The following MCTP1 variants were observed in gnomAD, a reference collection of about 807,000 sequenced individuals.
MCTP1 encodes the protein multiple C2 and transmembrane domain-containing protein 1.
Under a neutral mutation model 120.6 loss-of-function variants are expected in MCTP1, and 69 were observed. The observed-to-expected ratio is 0.57, with a 90% CI of 0.47 to 0.70. The LOEUF is 0.70. MCTP1 is among the 30% of genes least tolerant of loss of function. The pLI, the probability that MCTP1 is intolerant of heterozygous loss-of-function variation, is 0.00. For missense variants in MCTP1, 1,203 were observed against 1,248.8 expected (o/e 0.96, Z 0.55); for synonymous variants, 529 against 493.1 (o/e 1.07, Z -0.96).
At chr5:95,072,807 G>A (rs376142019) in intron 1 of MCTP1, among the ~76,000 whole-genome samples, 6 of 146,722 alleles carry the variant, frequency 4.1e-5, no homozygotes, top group East Asian at 2.0e-4. Context: ...GTGCAATGGC[G>A]AGATCTCGGC....
intron 1 of MCTP1, among the ~76,000 whole-genome samples, chr5:95,115,499 T>G (rs1163096844): frequency 6.6e-6 from 1 of 151,930 alleles, no homozygotes; most frequent in East Asian, 1.9e-4. Flanking sequence ...TACTGAAGAA[T>G]GCATCAGAGT....
chr5:95,222,208 C>A (rs1056943983), intron 1 of MCTP1, among the ~76,000 whole-genome samples: 10 of 152,206 alleles, frequency 6.6e-5, no homozygotes, highest in African/African-American at 2.4e-4. Flanking sequence ...TCCCTGATGG[C>A]TGCCTGCCTT....
intron 1 of MCTP1, among the ~76,000 whole-genome samples, chr5:95,125,744 A>C (rs930561014): frequency 1.3e-5 from 2 of 152,262 alleles, no homozygotes; most frequent in African/African-American, 4.8e-5. Context: ...GGAACACAGT[A>C]AATGCACAAT....
chr5:95,027,531 T>C (rs1839480194), intron 1 of MCTP1, among the ~76,000 whole-genome samples: 1 of 152,142 alleles, frequency 6.6e-6, no homozygotes, highest in South Asian at 2.1e-4. Context: ...AGGAAACAGA[T>C]GCTATAATTA....
chr5:94,915,817 T>C lies in MCTP1; in HGVS notation c.1350+2079A>G, dbSNP rs181665047. ...ATTCCATTTTCCATTGGGTCCTTTATGCTTTCACAGAAATAAAATGAACAT... is the reference window on the plus strand; with the variant it reads ...ATTCCATTTTCCATTGGGTCCTTTACGCTTTCACAGAAATAAAATGAACAT... On this transcript the variant is annotated intron_variant, in intron 8 of 22. Coordinates refer to ENST00000515393, the MANE Select transcript of MCTP1 (RefSeq NM_024717.7). 5.2e-3 allele frequency among the ~76,000 whole-genome samples: 787 copies of C among 152,242 alleles called. 6 individuals carry two copies. Among genetic ancestry groups the C allele is most frequent in the Middle Eastern group, 0.031 (9 of 294 alleles).
chr5:95,116,643 C>T lies in MCTP1; in HGVS notation c.721-99159G>A, dbSNP rs753485404. On this transcript the variant is annotated intron_variant, in intron 1 of 22. Coordinates refer to ENST00000515393, the MANE Select transcript of MCTP1 (RefSeq NM_024717.7). ...ACTTTGGGCAGTATGGCCATTTTCA[C>T]GATATTGATTCTTCCTATCCATGAG... 2.2e-4 allele frequency among the ~76,000 whole-genome samples: 33 copies of T among 151,874 alleles called. No homozygotes were observed. The East Asian group carries it at 4.6e-3, about 21-fold the overall frequency.
chr5:94,867,336 C>T, intron 17 of MCTP1: 1 of 1,533,398 alleles, frequency 6.5e-7, no homozygotes, highest in South Asian at 1.2e-5. Flanking sequence ...GACGTAGACA[C>T]TCTTTGTTCC....
rs149359369 is a variant in MCTP1, at chr5:95,202,236, C to T, written c.720+81620G>A. Among the ~76,000 whole-genome samples the T allele has an allele frequency of 1.7e-3, 254 of 152,286 alleles. 4 individuals carry two copies. In the East Asian group the frequency reaches 0.043, roughly 25 times the overall value. ...CACTGGAACACTCTTCTTCCCTTTT[C>T]GTGGACATCAGAACTCCAGGCTGTC... On this transcript the variant is annotated intron_variant, in intron 1 of 22. Coordinates refer to ENST00000515393, the MANE Select transcript of MCTP1 (RefSeq NM_024717.7).
chr5:95,248,394 A>T (rs1757036309), intron 1 of MCTP1, among the ~76,000 whole-genome samples: 1 of 152,212 alleles, frequency 6.6e-6, no homozygotes, highest in African/African-American at 2.4e-5. Flanking sequence ...CAGAGAGCCA[A>T]ATCATGAGTG....
chr5:95,161,498 G>A (rs949580987), intron 1 of MCTP1, among the ~76,000 whole-genome samples: 1 of 152,016 alleles, frequency 6.6e-6, no homozygotes, highest in Non-Finnish European at 1.5e-5. Context: ...TTTCGGTTAC[G>A]AGAAATAAGC....
intron 10 of MCTP1, among the ~76,000 whole-genome samples, chr5:94,908,932 C>T (rs1807690578): frequency 6.6e-6 from 1 of 152,028 alleles, no homozygotes; most frequent in Admixed American, 6.6e-5. Context: ...GATCACTTTA[C>T]AGACTATGAA....
chr5:94,816,814 T>C (rs1784554829), intron 17 of MCTP1, among the ~76,000 whole-genome samples: 1 of 152,180 alleles, frequency 6.6e-6, no homozygotes, highest in African/African-American at 2.4e-5. Flanking sequence ...CAAGATTGTA[T>C]GAAAAAATTC....
chr5:95,166,822 C>T (rs1346409139), intron 1 of MCTP1, among the ~76,000 whole-genome samples: 1 of 152,098 alleles, frequency 6.6e-6, no homozygotes, highest in Non-Finnish European at 1.5e-5. Flanking sequence ...CCGCCTCAGC[C>T]TCCCAAAGTG....
chr5:94,725,200 G>C (rs1761860346), intron 19 of MCTP1, among the ~76,000 whole-genome samples: 1 of 151,516 alleles, frequency 6.6e-6, no homozygotes, highest in Non-Finnish European at 1.5e-5. Flanking sequence ...GAAAAGAAAA[G>C]AAAAAAAAGG....
At position 94,710,860 on chromosome 5, in the gene MCTP1, TGGCTGTGAACACACAGA is replaced by T; in HGVS notation, c.2771_2787del (p.Leu924HisfsTer18). ...TATCTCAGCGGAATGCAGTACAGGA[TGGCTGTGAACACACAGA>T]GGGCTACAATGGCCAGCCAGCTTAA... On this transcript the variant is annotated frameshift_variant, in exon 21 of 23. Transcript: ENST00000515393. LOFTEE classifies it high-confidence loss of function. The T allele has an allele frequency of 6.2e-7, 1 of 1,613,048 alleles. No homozygotes were observed.
At chr5:95,271,218 A>G (rs1240969062) in intron 1 of MCTP1, among the ~76,000 whole-genome samples, 1 of 152,226 alleles carries the variant, frequency 6.6e-6, no homozygotes, top group African/African-American at 2.4e-5. Context: ...GAAAGTAATA[A>G]AATAGTGTAA....
intron 2 of MCTP1, chr5:94,976,661 A>G (rs563920397): frequency 1.3e-5 from 2 of 152,114 alleles, no homozygotes; most frequent in Non-Finnish European, 2.9e-5. Flanking sequence ...AACATACAGT[A>G]AAAACATTCT....
At chr5:94,869,191 T>C (rs896491325) in intron 16 of MCTP1, among the ~76,000 whole-genome samples, 2 of 152,024 alleles carry the variant, frequency 1.3e-5, no homozygotes, top group Non-Finnish European at 2.9e-5. Context: ...CCATGTATAA[T>C]TTGATGGTTC....
intron 1 of MCTP1, among the ~76,000 whole-genome samples, chr5:95,198,954 G>A (rs1374474092): frequency 6.6e-6 from 1 of 152,090 alleles, no homozygotes; most frequent in Non-Finnish European, 1.5e-5. Context: ...ATTTGTTAAT[G>A]GTGCTAAGGA....
Sources: gnomAD v4.1 joint callset for allele counts (sites outside exome capture counted in the v4.1 genomes callset) on GRCh38, gnomAD v4.1.1 for gene constraint, MANE v1.5 for transcripts, NCBI Gene and HGNC (gene_info 2026-07-23, HGNC 2026-07-21) for gene names.